AGRN: variants seen among roughly 807,000 people sequenced by gnomAD.
AGRN encodes the protein agrin.
Under a neutral mutation model 211.0 loss-of-function variants are expected in AGRN, and 106 were observed. That is an observed-to-expected ratio of 0.50 (90% CI 0.43 to 0.59). AGRN has a LOEUF of 0.59. AGRN is among the 20% of genes least tolerant of loss of function. The probability of loss-of-function intolerance (pLI) is 0.00; values close to 1 mark genes in which losing one functional copy is unlikely to be tolerated. For synonymous variants in AGRN, 1,525 were observed against 1,332.5 expected, an observed-to-expected ratio of 1.14 and a Z score of -3.15; for missense variants, 3,040 against 2,982.6, an observed-to-expected ratio of 1.02 and a Z score of -0.45.
At chr1:1,051,022 C>T (rs767241376) in intron 30 of AGRN, 185 bp downstream of exon 30, 193 of 1,549,228 alleles carry the variant, frequency 1.2e-4, no homozygotes, top group Non-Finnish European at 1.6e-4. Flanking sequence ...ACCCGCTCTT[C>T]GGAGGCCAGA....
chr1:1,037,420 G>A (rs1461282323), intron 3 of AGRN, among the ~76,000 whole-genome samples: 3 of 152,184 alleles, frequency 2.0e-5, no homozygotes, highest in Non-Finnish European at 4.4e-5. Context: ...ACCTAACTGT[G>A]GTCATAGTTA....
At chr1:1,028,127 C>T (rs536841425) in intron 2 of AGRN, among the ~76,000 whole-genome samples, 12 of 152,200 alleles carry the variant, frequency 7.9e-5, no homozygotes, top group Non-Finnish European at 1.3e-4. Context: ...CCAGGGAAGC[C>T]GGGAAGGAGC....
rs564987392 is a variant in AGRN at position 1,051,515 on chromosome 1, G to A, written c.5433G>A (p.Thr1811=). The A allele has an allele frequency of 2.2e-5, 34 of 1,567,394 alleles. No individual in the cohort carries two copies. The highest frequency in any genetic ancestry group is 1.9e-4 in the South Asian group (16 of 86,386). The part of the protein sequence containing the change: ...PEHVLRQVDV[T]SFAGHPCTRA... ...ACGTGCTGCGGCAGGTGGACGTCAC[G>A]TCCTTTGCAGGTCACCCCTGCACCC... The change falls in exon 32 of 36, where the codon ACG becomes ACA. Residue 1811 remains threonine, a synonymous_variant. Coordinates refer to ENST00000379370, the MANE Select transcript of AGRN (RefSeq NM_198576.4).
Position 1,049,337 on chromosome 1 carries a change from C to A in AGRN, c.4400C>A (p.Thr1467Asn), listed in dbSNP as rs925423067. The A allele has an allele frequency of 6.3e-7, 1 of 1,598,218 alleles. No homozygotes were observed. The highest frequency in any genetic ancestry group is 1.1e-5 in the South Asian group (1 of 90,836). The change falls in exon 25 of 36, where the codon ACC (threonine) becomes AAC (asparagine). Residue 1467 changes from threonine (T) to asparagine (N), a missense_variant. Coordinates refer to ENST00000379370, the MANE Select transcript of AGRN (RefSeq NM_198576.4). Reference protein sequence around the residue: ...LELSRHWRRGTLSVDGETPVL... With the variant: ...LELSRHWRRGNLSVDGETPVL... Reference sequence around the variant, plus strand: ...CTGTCCCGGCACTGGCGCCGGGGCACCCTCTCGGTGGATGGTGAGACCCCT... The same window carrying A: ...CTGTCCCGGCACTGGCGCCGGGGCAACCTCTCGGTGGATGGTGAGACCCCT...
intron 2 of AGRN, chr1:1,034,836 G>A (rs1644762538): frequency 2.1e-5 from 10 of 482,868 alleles, no homozygotes; most frequent in East Asian, 8.4e-5. Flanking sequence ...TCACTCTGCG[G>A]ACCCCTCGGT....
intron 2 of AGRN, among the ~76,000 whole-genome samples, chr1:1,029,009 C>A (rs4970397): frequency 3.0e-5 from 2 of 66,112 alleles, no homozygotes; most frequent in East Asian, 5.0e-4. Flanking sequence ...GGAACCGAGC[C>A]CCAGCCCCTC....
chr1:1,035,987 T>C (rs2710883), intron 3 of AGRN, among the ~76,000 whole-genome samples: 136,305 of 152,118 alleles, frequency 0.9, 61,448 homozygotes, highest in East Asian at 1. Flanking sequence ...GTGGTCAGCT[T>C]TGCAGAGGAA....
intron 2 of AGRN, among the ~76,000 whole-genome samples, chr1:1,028,527 C>G (rs1305777159): frequency 7.1e-6 from 1 of 141,582 alleles, no homozygotes; most frequent in African/African-American, 2.5e-5. Flanking sequence ...GAGCCCCAGC[C>G]CCTCATGGGC....
intron 3 of AGRN, among the ~76,000 whole-genome samples, chr1:1,039,312 G>A (rs933310321): frequency 1.3e-5 from 2 of 151,926 alleles, no homozygotes. Context: ...TCTGGGGTGG[G>A]GGCAGGGACA....
At chr1:1,027,893 G>A (rs1447820060) in intron 2 of AGRN, among the ~76,000 whole-genome samples, 1 of 152,226 alleles carries the variant, frequency 6.6e-6, no homozygotes, top group African/African-American at 2.4e-5. Context: ...GCCCCTGCGT[G>A]TCCGCAGGTG....
intron 27 of AGRN, 29 bp from the exon 28 acceptor site, chr1:1,050,204 G>T (rs767521604): frequency 3.1e-6 from 5 of 1,612,036 alleles, no homozygotes; most frequent in Non-Finnish European, 4.2e-6. Context: ...CGGGGGTCAG[G>T]ACTGAGGCCT....
At position 1,055,091 on chromosome 1, in the gene AGRN, G is replaced by A. The variant is rs900243574; in HGVS notation, c.*110G>A. The A allele has an allele frequency of 7.8e-5, 116 of 1,485,720 alleles. No individual in the cohort carries two copies. In the African/African-American group the frequency reaches 1.0e-3, roughly 13 times the overall value. 92.0% of individuals were successfully genotyped at this position (1,485,720 alleles called of 1,614,324 possible). ...TGTTGGCCGGAGGGACTGCTGGCCC[G>A]GCCTCCCTTCCGTCCAGGCAGCCGT... On this transcript the variant is annotated 3_prime_UTR_variant, in exon 36 of 36. Transcript: ENST00000379370.
chr1:1,040,789 G>T lies in AGRN; in HGVS notation c.636G>T (p.Ser212=). 1 of 1,539,376 alleles carries T rather than the reference G, an allele frequency of 6.5e-7. No homozygotes were observed. Among genetic ancestry groups the T allele is most frequent in the Non-Finnish European group, 8.7e-7 (1 of 1,147,746 alleles). Reference sequence around the variant, plus strand: ...GCGTGGTGGCGCCTGTGTGTGGGTCGGACGCCTCCACCTACAGCAACGAAT... The same window carrying T: ...GCGTGGTGGCGCCTGTGTGTGGGTCTGACGCCTCCACCTACAGCAACGAAT... The part of the protein sequence containing the change: ...CPSVVAPVCG[S]DASTYSNECE... Residue 212 remains serine, a synonymous_variant, in exon 4 of 36, where the codon TCG becomes TCT. Coordinates refer to ENST00000379370, the MANE Select transcript of AGRN (RefSeq NM_198576.4).
intron 2 of AGRN, among the ~76,000 whole-genome samples, chr1:1,029,863 A>G (rs377589130): frequency 6.7e-4 from 25 of 37,402 alleles, no homozygotes; most frequent in Admixed American, 2.0e-3. Flanking sequence ...TGAGATCAGC[A>G]TGTGTGTGTG....
In AGRN at chr1:1,047,760, G is replaced by A. The variant is rs1227963698; in HGVS notation, c.3632-16G>A. 1 of 1,609,646 alleles carries A rather than the reference G, an allele frequency of 6.2e-7. No individual in the cohort carries two copies. Among genetic ancestry groups the A allele is most frequent in the Non-Finnish European group, 8.5e-7 (1 of 1,178,578 alleles). On this transcript the variant is annotated splice_polypyrimidine_tract_variant and intron_variant, in intron 21 of 35. Coordinates refer to ENST00000379370, the MANE Select transcript of AGRN (RefSeq NM_198576.4). ...TGCCTGGGGCTCTGCCATGCTCAGA[G>A]CTCCCTCCTCCCCAGCCACAGCCTT... is the stretch of plus-strand genomic sequence containing the variant.
chr1:1,047,278 TGGATGCCAGGC>T, intron 19 of AGRN, 38 bp from the exon 20 acceptor site: 1 of 1,554,890 alleles, frequency 6.4e-7, no homozygotes. Flanking sequence ...TGGGCCAGCC[TGGATGCCAGGC>T]AGATGCCAGG....
At position 1,043,333 on chromosome 1, in the gene AGRN, G is replaced by C. The variant is rs756019159; in HGVS notation, c.1479G>C (p.Ala493=). The part of the protein sequence containing the change: ...NGQAACECLQ[A]CSSLYDPVCG... Reference sequence around the variant, plus strand: ...AGGCAGCGTGTGAATGCCTGCAGGCGTGCTCGAGCCTCTACGATCCTGTGT... The same window carrying C: ...AGGCAGCGTGTGAATGCCTGCAGGCCTGCTCGAGCCTCTACGATCCTGTGT... The change falls in exon 8 of 36, where the codon GCG becomes GCC. Residue 493 remains alanine (A), a synonymous_variant. Transcript: ENST00000379370. 6.2e-7 allele frequency: 1 copy of C among 1,608,256 alleles called. No homozygotes were observed. Among genetic ancestry groups the C allele is most frequent in the Non-Finnish European group, 8.5e-7 (1 of 1,178,562 alleles).
In AGRN at chr1:1,032,922, G is replaced by A. The variant is rs1644703735; in HGVS notation, c.464-2355G>A. Among the ~76,000 whole-genome samples, 1 of 152,068 alleles carries A rather than the reference G, an allele frequency of 6.6e-6. No homozygotes were observed. The highest frequency in any genetic ancestry group is 1.9e-4 in the East Asian group (1 of 5,170). ...TAGGGGATGGTGCACACACCGGACC[G>A]GACGGGCCCCTCCCTTACCCCCGGA... On this transcript the variant is annotated intron_variant, in intron 2 of 35. Coordinates refer to ENST00000379370, the MANE Select transcript of AGRN (RefSeq NM_198576.4). This position sits in a 1 kb window ranked among gnomAD's most constrained non-coding sequence, Gnocchi z 4.7.
At position 1,048,141 on chromosome 1, in the gene AGRN, C is replaced by A; in HGVS notation, c.3881C>A (p.Thr1294Lys). 1.3e-6 allele frequency: 2 copies of A among 1,572,846 alleles called. No individual in the cohort carries two copies. The highest frequency in any genetic ancestry group is 1.2e-5 in the South Asian group (1 of 86,832). The change falls in exon 23 of 36, where the codon ACA (threonine) becomes AAA (lysine). Residue 1294 changes from threonine to lysine, a missense_variant. Physicochemically the swap from Thr to Lys is moderately conservative, Grantham distance 78 (BLOSUM62 -1). Coordinates refer to ENST00000379370, the MANE Select transcript of AGRN (RefSeq NM_198576.4). The surrounding 1 kb of genome is among the most constrained non-coding windows in gnomAD (Gnocchi z 5.9). ...VTPRAPHPSH[T>K]SQPVAKTTAA... ...CCTCGGGCCCCGCACCCCAGTCACACAAGCCAGCCCGTTGCCAAGACCACG... is the reference window on the plus strand; with the variant it reads ...CCTCGGGCCCCGCACCCCAGTCACAAAAGCCAGCCCGTTGCCAAGACCACG...
Sources: gnomAD v4.1 joint callset for allele counts (sites outside exome capture counted in the v4.1 genomes callset) on GRCh38, gnomAD v4.1.1 for gene constraint, Gnocchi (gnomAD v3.1) non-coding constraint, MANE v1.5 for transcripts, NCBI Gene and HGNC (gene_info 2026-07-23, HGNC 2026-07-21) for gene names.